Variants in KCNN2 observed in about 807,000 individuals in gnomAD.
The protein encoded by KCNN2 is small conductance calcium-activated potassium channel protein 2.
In KCNN2, 24 loss-of-function variants were observed where a neutral mutation model predicts 55.5. That is an observed-to-expected ratio of 0.43 (90% CI 0.31 to 0.61). The LOEUF is 0.61. Ranked by LOEUF, KCNN2 falls within the 20% of genes least tolerant of loss-of-function variation. The pLI, the probability that KCNN2 is intolerant of heterozygous loss-of-function variation, is 0.08. For synonymous variants in KCNN2, 431 were observed against 336.1 expected (o/e 1.28, Z -3.09); for missense variants, 754 against 853.6 (o/e 0.88, Z 1.45).
intron 2 of KCNN2, among the ~76,000 whole-genome samples, chr5:114,400,613 T>C (rs1422123838): frequency 6.6e-6 from 1 of 152,248 alleles, no homozygotes; most frequent in Non-Finnish European, 1.5e-5. Flanking sequence ...CCAGTTAGTC[T>C]CTTCAAACTT....
intron 2 of KCNN2, among the ~76,000 whole-genome samples, chr5:114,250,295 G>C (rs1231238999): frequency 4.6e-5 from 7 of 152,120 alleles, no homozygotes; most frequent in Non-Finnish European, 1.0e-4. Flanking sequence ...ATCTTAACAG[G>C]TTTGGGTCTA....
chr5:114,435,446 C>T (rs1480151340), intron 3 of KCNN2, among the ~76,000 whole-genome samples: 1 of 151,846 alleles, frequency 6.6e-6, no homozygotes, highest in African/African-American at 2.4e-5. Flanking sequence ...GTCTCAAACT[C>T]CTTTGGGCCA....
At chr5:114,445,364 C>G (rs1351355901) in intron 3 of KCNN2, among the ~76,000 whole-genome samples, 1 of 152,152 alleles carries the variant, frequency 6.6e-6, no homozygotes, top group African/African-American at 2.4e-5. Context: ...TTGTAGATGT[C>G]AACATTTTAA....
In KCNN2 at chr5:114,495,961, A is replaced by G; in HGVS notation, c.2155A>G (p.Ile719Val). ...NERSEDFEKR[I>V]VTLETKLETL... is the part of the protein sequence containing the mutation. ...AAGGAGTGAAGACTTCGAGAAGAGG[A>G]TTGTTACCCTGGAAACAAAACTAGA... Residue 719 changes from isoleucine (I) to valine (V), a missense_variant, in exon 8 of 8, where the codon ATT (isoleucine) becomes GTT (valine). Physicochemically the swap from Ile to Val is conservative, Grantham distance 29. Around this residue, in one of 4 missense-constraint regions of KCNN2, gnomAD observed 164 missense variants for 156.6 expected, o/e 1.05. Transcript: ENST00000673685. The G allele has an allele frequency of 6.2e-7, 1 of 1,614,038 alleles. No individual in the cohort carries two copies. Among genetic ancestry groups the G allele is most frequent in the Non-Finnish European group, 8.5e-7 (1 of 1,179,944 alleles).
At chr5:114,257,803 T>C (rs1225323085) in intron 2 of KCNN2, among the ~76,000 whole-genome samples, 2 of 152,008 alleles carry the variant, frequency 1.3e-5, no homozygotes, top group Non-Finnish European at 2.9e-5. Flanking sequence ...AGAGATAATT[T>C]TACTTATTTT....
chr5:114,443,881 A>C (rs1262502144), intron 3 of KCNN2, among the ~76,000 whole-genome samples: 1 of 152,226 alleles, frequency 6.6e-6, no homozygotes, highest in Admixed American at 6.5e-5. Flanking sequence ...GCTGGTGATA[A>C]GAAGAAGTGT....
At chr5:114,241,721 C>T (rs866641714) in intron 2 of KCNN2, among the ~76,000 whole-genome samples, 29 of 74,624 alleles carry the variant, frequency 3.9e-4, no homozygotes, top group South Asian at 2.1e-3. Context: ...TATATATATA[C>T]GTATATATAT....
chr5:114,201,142 G>T (rs1369179405), intron 1 of KCNN2, among the ~76,000 whole-genome samples: 1 of 152,022 alleles, frequency 6.6e-6, no homozygotes, highest in East Asian at 1.9e-4. Context: ...AGCAGTCTGG[G>T]TTGGTGGTGT....
intron 2 of KCNN2, among the ~76,000 whole-genome samples, chr5:114,269,120 T>C (rs949703369): frequency 3.3e-5 from 5 of 152,060 alleles, no homozygotes; most frequent in Admixed American, 1.3e-4. Flanking sequence ...GAGTGTTCTC[T>C]CTCTTCTTGC....
chr5:114,219,651 A>C (rs1468337250), intron 1 of KCNN2, among the ~76,000 whole-genome samples: 1 of 151,928 alleles, frequency 6.6e-6, no homozygotes, highest in East Asian at 1.9e-4. Flanking sequence ...GTGCTTTAGG[A>C]AGATGTAACA....
At chr5:114,065,846 GTTTTTTTTTTTTTTTTTTT>G (rs56127808) in intron 1 of KCNN2, among the ~76,000 whole-genome samples, 55 of 45,244 alleles carry the variant, frequency 1.2e-3, no homozygotes, top group Admixed American at 6.2e-3. Flanking sequence ...TCCTATGCAG[GTTTTTTTTTTTTTTTTTTT>G]TTTTTTTTTT....
intron 2 of KCNN2, among the ~76,000 whole-genome samples, chr5:114,380,987 G>A (rs1311779934): frequency 6.6e-6 from 1 of 152,126 alleles, no homozygotes; most frequent in Non-Finnish European, 1.5e-5. Flanking sequence ...CTCACATCTT[G>A]TGCGTCATGG....
rs76660566 is a variant in KCNN2, at chr5:114,496,044, G to C, written c.2238G>C (p.Gln746His). The change falls in exon 8 of 8, where the codon CAG (glutamine) becomes CAC (histidine). Residue 746 changes from glutamine to histidine, a missense_variant. By Grantham distance (24) the Gln-to-His change is conservative (BLOSUM62 0). This residue lies in a region of KCNN2 where 164 missense variants were observed against 156.6 expected (regional missense o/e 1.05). Transcript: ENST00000673685. ...GGCTCATAAGCCAGACCATCAGGCA[G>C]CAGCAGAGAGATTTCATTGAGGCTC... Reference protein sequence around the residue: ...LPGLISQTIRQQQRDFIEAQM... With the variant: ...LPGLISQTIRHQQRDFIEAQM... The C allele has an allele frequency of 6.2e-7, 1 of 1,614,076 alleles. No homozygotes were observed. The highest frequency in any genetic ancestry group is 8.5e-7 in the Non-Finnish European group (1 of 1,179,970).
In KCNN2 at chr5:114,444,770, T is replaced by C. The variant is rs186527342; in HGVS notation, c.1638-18279T>C. 2.0e-4 allele frequency among the ~76,000 whole-genome samples: 31 copies of C among 152,296 alleles called. No individual in the cohort carries two copies. In the East Asian group the frequency reaches 5.6e-3, roughly 28 times the overall value. ...GCACCATTTGGGTGTCTGGGTACTA[T>C]GCTGACCTGAAGCTTCACAAAAACA... On this transcript the variant is annotated intron_variant, in intron 3 of 7. Coordinates refer to ENST00000673685, the MANE Select transcript of KCNN2 (RefSeq NM_021614.4).
intron 1 of KCNN2, among the ~76,000 whole-genome samples, chr5:114,199,328 G>T (rs949774600): frequency 1.3e-5 from 2 of 152,006 alleles, no homozygotes; most frequent in Non-Finnish European, 2.9e-5. Flanking sequence ...GATAAGGTAA[G>T]TTTCTTGAAG....
intron 3 of KCNN2, among the ~76,000 whole-genome samples, chr5:114,446,018 T>A (rs1401068073): frequency 6.6e-6 from 1 of 152,198 alleles, no homozygotes; most frequent in Admixed American, 6.5e-5. Flanking sequence ...CTTCACTTCT[T>A]GTGGATGTCA....
At chr5:114,308,543 C>T (rs1310444946) in intron 2 of KCNN2, among the ~76,000 whole-genome samples, 2 of 152,150 alleles carry the variant, frequency 1.3e-5, no homozygotes, top group Admixed American at 1.3e-4. Flanking sequence ...GTGTATCAAG[C>T]ATGTTACCAC....
At chr5:114,304,269 G>A (rs904349776) in intron 2 of KCNN2, among the ~76,000 whole-genome samples, 5 of 152,126 alleles carry the variant, frequency 3.3e-5, no homozygotes, top group Non-Finnish European at 1.5e-5. Flanking sequence ...CAGTTTTTAC[G>A]AGGCCATAGT....
intron 3 of KCNN2, among the ~76,000 whole-genome samples, chr5:114,417,595 G>A (rs1050323051): frequency 7.2e-5 from 11 of 152,076 alleles, no homozygotes; most frequent in Admixed American, 3.3e-4. Flanking sequence ...TTATTGTGAC[G>A]TAGGTGCCTG....
Sources: allele counts gnomAD v4.1 joint callset (sites outside exome capture counted in the v4.1 genomes callset), GRCh38; gene constraint gnomAD v4.1.1; regional missense constraint gnomAD v4.1.1; transcripts MANE v1.5; gene names NCBI Gene and HGNC (gene_info 2026-07-23, HGNC 2026-07-21).